The following RHPN2 variants were observed in gnomAD, a reference collection of about 807,000 sequenced individuals.
The protein encoded by RHPN2 is rhophilin Rho GTPase binding protein 2.
A neutral mutation model predicts 79.0 loss-of-function variants in RHPN2; 40 were observed. The ratio of observed to expected loss-of-function variants is 0.51; its 90% confidence interval spans 0.39 to 0.66. The LOEUF is 0.66. RHPN2 is among the 30% of genes least tolerant of loss of function. The pLI is 0.00. For missense variants in RHPN2, 686 were observed against 883.5 expected (o/e 0.78, Z 2.83); for synonymous variants, 285 against 363.5 (o/e 0.78, Z 2.46).
intron 1 of RHPN2, among the ~76,000 whole-genome samples, chr19:33,050,111 C>T (rs981309421): frequency 7.9e-5 from 12 of 152,130 alleles, no homozygotes; most frequent in African/African-American, 2.9e-4. Context: ...CATTGGAAAA[C>T]CAAAGCCTGA....
intron 4 of RHPN2, among the ~76,000 whole-genome samples, chr19:33,013,198 AAAAC>A (rs1971850802): frequency 2.1e-5 from 3 of 145,952 alleles, no homozygotes; most frequent in Admixed American, 2.1e-4. Context: ...TAAAAAAACA[AAAAC>A]AAAAAACAAA....
intron 2 of RHPN2, among the ~76,000 whole-genome samples, chr19:33,038,492 GTATT>G (rs1046364936): frequency 2.6e-5 from 4 of 151,906 alleles, no homozygotes; most frequent in Non-Finnish European, 4.4e-5. Context: ...TATTATTTAT[GTATT>G]TATTTATTTT....
At chr19:33,004,678 C>A (rs1373273313) in intron 7 of RHPN2, among the ~76,000 whole-genome samples, 3 of 150,260 alleles carry the variant, frequency 2.0e-5, no homozygotes, top group African/African-American at 4.9e-5. Flanking sequence ...CCTCTGCCTC[C>A]CAGGTTCAAG....
intron 2 of RHPN2, among the ~76,000 whole-genome samples, chr19:33,035,843 G>T (rs993648358): frequency 1.3e-5 from 2 of 152,138 alleles, no homozygotes; most frequent in African/African-American, 4.8e-5. Context: ...CGGGCCGGGC[G>T]CCATGGCTCA....
At chr19:33,046,947 T>G (rs2145265231) in intron 1 of RHPN2, among the ~76,000 whole-genome samples, 1 of 152,170 alleles carries the variant, frequency 6.6e-6, no homozygotes, top group East Asian at 1.9e-4. Flanking sequence ...AACCTTCACC[T>G]CCTGGGTTCA....
At chr19:32,980,317 A>G in intron 14 of RHPN2, 61 bp from the exon 15 acceptor site, 5 of 1,609,782 alleles carry the variant, frequency 3.1e-6, no homozygotes, top group Admixed American at 1.7e-5. Flanking sequence ...GATAAAAACT[A>G]CGAAGTTTGG....
At chr19:33,053,590 A>C (rs1343736426) in intron 1 of RHPN2, among the ~76,000 whole-genome samples, 1 of 150,534 alleles carries the variant, frequency 6.6e-6, no homozygotes, top group Non-Finnish European at 1.5e-5. Context: ...TGCCTGGCTA[A>C]TTTTTGTATT....
chr19:33,047,369 C>G (rs2145265476), intron 1 of RHPN2, among the ~76,000 whole-genome samples: 1 of 152,262 alleles, frequency 6.6e-6, no homozygotes, highest in African/African-American at 2.4e-5. Context: ...GACCATTGTG[C>G]CCTGGGGTAT....
intron 2 of RHPN2, among the ~76,000 whole-genome samples, chr19:33,027,458 G>A (rs1025474503): frequency 4.6e-5 from 7 of 151,780 alleles, no homozygotes; most frequent in African/African-American, 9.7e-5. Flanking sequence ...TCACACCACC[G>A]CAATCCAGCC....
chr19:32,993,578 T>C (rs561436488), intron 12 of RHPN2, among the ~76,000 whole-genome samples: 1 of 152,158 alleles, frequency 6.6e-6, no homozygotes, highest in Admixed American at 6.5e-5. Context: ...ATTTTATTAA[T>C]ATTTATTAAA....
At chr19:33,032,442 A>G (rs1409378338) in intron 2 of RHPN2, among the ~76,000 whole-genome samples, 3 of 152,084 alleles carry the variant, frequency 2.0e-5, no homozygotes, top group African/African-American at 7.2e-5. Context: ...TGAAATTTCC[A>G]GCCCTCTCAC....
At chr19:33,022,385 C>G (rs373601313) in intron 3 of RHPN2, among the ~76,000 whole-genome samples, 49 of 152,270 alleles carry the variant, frequency 3.2e-4, no homozygotes, top group African/African-American at 1.2e-3. Flanking sequence ...ACCTCCTCTG[C>G]CCCCCTCAGC....
rs1306789532 is a variant in RHPN2 at position 32,992,124 on chromosome 19, C to A, written c.1498-155G>T. The A allele has an allele frequency of 1.4e-5, 10 of 738,392 alleles. No homozygotes were observed. In the Admixed American group the frequency reaches 2.3e-4, roughly 17 times the overall value. The allele number at this position is 738,392 out of a possible 1,614,324, so 45.7% of individuals were successfully genotyped here. A position where few individuals can be genotyped will look rare whatever the true frequency, so the allele number is the denominator to read the frequency against. ...GGGCATACATGCTACAGCAGTCATGCGAGAACCTGGAAAGCCATCTTCTCA... is the reference window on the plus strand; with the variant it reads ...GGGCATACATGCTACAGCAGTCATGAGAGAACCTGGAAAGCCATCTTCTCA... On this transcript the variant is annotated intron_variant, in intron 12 of 14. Transcript: ENST00000254260.
chr19:32,991,569 C>A (rs1303150269), intron 13 of RHPN2, among the ~76,000 whole-genome samples: 3 of 151,982 alleles, frequency 2.0e-5, no homozygotes, highest in Non-Finnish European at 4.4e-5. Flanking sequence ...GAAGCAGAAG[C>A]TGCAGTGAGC....
rs1303346663 is a variant in RHPN2, at chr19:33,036,958, A to C, written c.185+7291T>G. On this transcript the variant is annotated intron_variant, in intron 2 of 14. Transcript: ENST00000254260. ...TGCTCCACGGCACCCAGTCCTATCG[A>C]CCGACCACCCAAGGGCTGACGAGTG... Among the ~76,000 whole-genome samples the C allele has an allele frequency of 1.0e-4, 15 of 150,508 alleles. 1 individual carries two copies. In the East Asian group the frequency reaches 2.7e-3, roughly 28 times the overall value.
At chr19:33,018,312 G>T (rs530085652) in intron 4 of RHPN2, among the ~76,000 whole-genome samples, 1 of 151,854 alleles carries the variant, frequency 6.6e-6, no homozygotes, top group Non-Finnish European at 1.5e-5. Flanking sequence ...CTGGGCAACA[G>T]AGTGAGACTG....
intron 4 of RHPN2, among the ~76,000 whole-genome samples, 198 bp downstream of exon 4, chr19:33,021,373 T>C (rs1280146385): frequency 6.6e-6 from 1 of 152,202 alleles, no homozygotes; most frequent in East Asian, 1.9e-4. Context: ...TTCTTTTTTT[T>C]GGAGACAGGG....
At chr19:33,034,095 C>T (rs1357225170) in intron 2 of RHPN2, among the ~76,000 whole-genome samples, 4 of 151,228 alleles carry the variant, frequency 2.6e-5, no homozygotes, top group Non-Finnish European at 5.9e-5. Context: ...TAAGACAAAG[C>T]AATCCTCTTG....
intron 2 of RHPN2, among the ~76,000 whole-genome samples, chr19:33,044,029 A>G (rs1972122058): frequency 6.6e-6 from 1 of 152,070 alleles, no homozygotes; most frequent in Non-Finnish European, 1.5e-5. Flanking sequence ...CAAATGCCAC[A>G]CCGTCTGCAT....
Sources: gnomAD v4.1 joint callset for allele counts (sites outside exome capture counted in the v4.1 genomes callset) on GRCh38, gnomAD v4.1.1 for gene constraint, MANE v1.5 for transcripts, NCBI Gene and HGNC (gene_info 2026-07-23, HGNC 2026-07-21) for gene names.